The following SUPT3H variants were observed in gnomAD, a reference collection of about 807,000 sequenced individuals.
SUPT3H encodes transcription initiation protein SPT3 homolog.
A neutral mutation model predicts 44.3 loss-of-function variants in SUPT3H; 44 were observed. That is an observed-to-expected ratio of 0.99 (90% confidence interval 0.78 to 1.28). The LOEUF (loss-of-function observed/expected upper bound fraction) is 1.28. SUPT3H is among the 50% of genes most tolerant of loss of function. The pLI, the probability that SUPT3H is intolerant of heterozygous loss-of-function variation, is 0.00. For synonymous variants in SUPT3H, 124 were observed against 125.6 expected, an observed-to-expected ratio of 0.99 and a Z score of 0.09; for missense variants, 380 against 387.1, an observed-to-expected ratio of 0.98 and a Z score of 0.15.
chr6:45,176,745 C>A (rs1004439678), intron 2 of SUPT3H, among the ~76,000 whole-genome samples: 1 of 152,208 alleles, frequency 6.6e-6, no homozygotes, highest in Non-Finnish European at 1.5e-5. Flanking sequence ...GGCAGACTGC[C>A]TCCTCAAGTG....
intron 3 of SUPT3H, among the ~76,000 whole-genome samples, chr6:45,067,840 T>C (rs551690284): frequency 9.1e-4 from 132 of 145,222 alleles, no homozygotes; most frequent in Admixed American, 3.3e-3. Context: ...TGTGGAGAAA[T>C]AGGAACACTT....
At chr6:44,883,941 C>G (rs534511541) in intron 10 of SUPT3H, among the ~76,000 whole-genome samples, 1 of 151,128 alleles carries the variant, frequency 6.6e-6, no homozygotes, top group Admixed American at 6.6e-5. Context: ...AGGCAATACC[C>G]ATAAGCATGG....
At chr6:44,895,794 T>C (rs1016711514) in intron 10 of SUPT3H, among the ~76,000 whole-genome samples, 1 of 152,110 alleles carries the variant, frequency 6.6e-6, no homozygotes, top group African/African-American at 2.4e-5. Flanking sequence ...CAAACAATTA[T>C]TTTACTGCTT....
At position 45,309,012 on chromosome 6, in the gene SUPT3H, ATT is replaced by A. The variant is rs374245646; in HGVS notation, c.101+56187_101+56188del. Among the ~76,000 whole-genome samples, 797 of 152,082 alleles carry A rather than the reference ATT, an allele frequency of 5.2e-3. 5 individuals are homozygous for A. The highest frequency in any genetic ancestry group is 0.018 in the African/African-American group (743 of 41,548). The stretch of plus-strand genomic sequence containing the variant: ...AAAGGTGCACAATTTGGTTATGCAA[ATT>A]TTTGTTTTTCCTGAGCTATTCAGCT... On this transcript the variant is annotated intron_variant, in intron 2 of 10. Transcript: ENST00000371459.
chr6:45,306,596 T>C (rs1783058353), intron 2 of SUPT3H, among the ~76,000 whole-genome samples: 1 of 151,980 alleles, frequency 6.6e-6, no homozygotes, highest in Non-Finnish European at 1.5e-5. Flanking sequence ...ATCAACATAA[T>C]GCAACAAGAA....
chr6:45,296,184 C>CTATATATATA (rs144309163), intron 2 of SUPT3H, among the ~76,000 whole-genome samples: 52 of 69,328 alleles, frequency 7.5e-4, no homozygotes, highest in African/African-American at 1.7e-3. Flanking sequence ...CATACACATA[C>CTATATATATA]TACACACACA....
intron 10 of SUPT3H, among the ~76,000 whole-genome samples, chr6:44,915,786 C>T (rs560591348): frequency 6.6e-6 from 1 of 152,128 alleles, no homozygotes; most frequent in Admixed American, 6.5e-5. Context: ...AAGCTCCTGA[C>T]CCCTCCCCAC....
At chr6:45,128,327 A>G (rs1335949687) in intron 2 of SUPT3H, among the ~76,000 whole-genome samples, 1 of 151,020 alleles carries the variant, frequency 6.6e-6, no homozygotes, top group Non-Finnish European at 1.5e-5. Flanking sequence ...CAACATGGTG[A>G]AACCCCGTCT....
intron 2 of SUPT3H, among the ~76,000 whole-genome samples, chr6:45,174,523 G>T (rs1354569779): frequency 6.6e-6 from 1 of 152,118 alleles, no homozygotes; most frequent in Non-Finnish European, 1.5e-5. Flanking sequence ...AAAGTGAGGT[G>T]AATAAGAGAA....
At chr6:45,188,106 A>G (rs1459861810) in intron 2 of SUPT3H, among the ~76,000 whole-genome samples, 1 of 152,234 alleles carries the variant, frequency 6.6e-6, no homozygotes, top group Non-Finnish European at 1.5e-5. Context: ...AAATTCTATC[A>G]GATCAACTGT....
intron 6 of SUPT3H, among the ~76,000 whole-genome samples, chr6:44,980,099 CACTG>C (rs1030298782): frequency 2.6e-5 from 4 of 152,024 alleles, no homozygotes; most frequent in Non-Finnish European, 5.9e-5. Flanking sequence ...TTTACACAAA[CACTG>C]ACTGAAGTCT....
At position 45,062,627 on chromosome 6, in the gene SUPT3H, G is replaced by C. The variant is rs1792329730; in HGVS notation, c.187-41995C>G. ...GCGCACCATGCGCAAGCCGAAGCAG[G>C]GCGAGGCATTGCCTCACCTGGGAAG... On this transcript the variant is annotated intron_variant, in intron 3 of 10. Transcript: ENST00000371459. Among the ~76,000 whole-genome samples, 4 of 152,344 alleles carry C rather than the reference G, an allele frequency of 2.6e-5. No homozygotes were observed. The South Asian group carries it at 6.2e-4, about 24-fold the overall frequency.
chr6:45,017,819 G>A (rs1784524930), intron 4 of SUPT3H, among the ~76,000 whole-genome samples: 1 of 141,352 alleles, frequency 7.1e-6, no homozygotes, highest in African/African-American at 2.7e-5. Context: ...GGATTGACTT[G>A]GCGATGTGGG....
chr6:45,094,000 A>C (rs1488590590), intron 3 of SUPT3H, among the ~76,000 whole-genome samples: 2 of 152,172 alleles, frequency 1.3e-5, no homozygotes, highest in Admixed American at 6.5e-5. Flanking sequence ...AAAATTGGGT[A>C]TTATCAAAAG....
intron 2 of SUPT3H, among the ~76,000 whole-genome samples, chr6:45,219,242 A>C (rs184941341): frequency 7.2e-5 from 11 of 152,268 alleles, no homozygotes; most frequent in Non-Finnish European, 1.5e-4. Context: ...GAAATCATAA[A>C]GATAAGACAC....
chr6:45,053,788 G>A (rs113766239), intron 3 of SUPT3H, among the ~76,000 whole-genome samples: 16,838 of 146,072 alleles, frequency 0.12, 1,150 homozygotes, highest in African/African-American at 0.18. Context: ...GGTGATGGGC[G>A]CCTGTACTCC....
intron 6 of SUPT3H, among the ~76,000 whole-genome samples, chr6:44,972,137 C>T (rs1777666047): frequency 6.6e-6 from 1 of 152,164 alleles, no homozygotes; most frequent in Non-Finnish European, 1.5e-5. Flanking sequence ...AAAGTCTCAT[C>T]TGAGACAAGA....
intron 2 of SUPT3H, among the ~76,000 whole-genome samples, chr6:45,262,954 G>C (rs1774626265): frequency 6.6e-6 from 1 of 152,104 alleles, no homozygotes; most frequent in Admixed American, 6.6e-5. Flanking sequence ...TCTCACAACA[G>C]TCAGAATCGT....
chr6:45,308,918 T>C (rs1783536191), intron 2 of SUPT3H, among the ~76,000 whole-genome samples: 1 of 150,492 alleles, frequency 6.6e-6, no homozygotes, highest in South Asian at 2.1e-4. Context: ...GAAAAATAAA[T>C]GGAGAAATGA....
Sources: allele counts gnomAD v4.1 joint callset (sites outside exome capture counted in the v4.1 genomes callset), GRCh38; gene constraint gnomAD v4.1.1; transcripts MANE v1.5; gene names NCBI Gene and HGNC (gene_info 2026-07-23, HGNC 2026-07-21).